SDK1: variants seen among roughly 807,000 people sequenced by gnomAD.
SDK1 encodes protein sidekick-1.
Under a neutral mutation model 245.5 loss-of-function variants are expected in SDK1, and 157 were observed. The ratio of observed to expected loss-of-function variants is 0.64; its 90% confidence interval spans 0.56 to 0.73. The LOEUF is 0.73. SDK1 is among the 30% of genes least tolerant of loss of function. The pLI, the probability that SDK1 is intolerant of heterozygous loss-of-function variation, is 0.00. For synonymous variants in SDK1, 1,647 were observed against 1,278.5 expected (o/e 1.29, Z -6.15); for missense variants, 3,583 against 3,002.3 (o/e 1.19, Z -4.52).
chr7:3,841,469 C>T (rs1376458880), intron 5 of SDK1, among the ~76,000 whole-genome samples: 14 of 152,234 alleles, frequency 9.2e-5, no homozygotes, highest in South Asian at 4.1e-4. Flanking sequence ...TAACATCTTG[C>T]GCTAATGAGT....
intron 1 of SDK1, among the ~76,000 whole-genome samples, chr7:3,452,916 C>T (rs1331108051): frequency 2.0e-5 from 3 of 152,156 alleles, no homozygotes; most frequent in Non-Finnish European, 4.4e-5. Context: ...GAACATACTT[C>T]ATTATGCTGC....
intron 13 of SDK1, among the ~76,000 whole-genome samples, chr7:3,981,857 G>T (rs531069292): frequency 4.1e-4 from 63 of 152,250 alleles, no homozygotes; most frequent in Non-Finnish European, 7.6e-4. Context: ...AGATAAAGCA[G>T]CAGGTGCTGA....
chr7:3,582,830 C>A (rs1216852457), intron 1 of SDK1, among the ~76,000 whole-genome samples: 1 of 152,098 alleles, frequency 6.6e-6, no homozygotes, highest in Non-Finnish European at 1.5e-5. Flanking sequence ...TCTTCCCCAG[C>A]AACCCCTACC....
At chr7:3,711,849 C>T (rs1428818799) in intron 4 of SDK1, among the ~76,000 whole-genome samples, 2 of 152,118 alleles carry the variant, frequency 1.3e-5, no homozygotes, top group Non-Finnish European at 2.9e-5. Context: ...GATTTGACTC[C>T]TGGGAGACCA....
At chr7:3,687,243 C>T (rs909070195) in intron 4 of SDK1, among the ~76,000 whole-genome samples, 1 of 151,338 alleles carries the variant, frequency 6.6e-6, no homozygotes, top group East Asian at 1.9e-4. Flanking sequence ...GCGATCTCAG[C>T]TCAGCCTCCC....
intron 1 of SDK1, among the ~76,000 whole-genome samples, chr7:3,449,688 A>T (rs892396988): frequency 2.6e-5 from 4 of 152,226 alleles, no homozygotes; most frequent in African/African-American, 9.6e-5. Flanking sequence ...TGAATATTTA[A>T]TAGTAGCATT....
At chr7:3,774,271 G>T (rs116353087) in intron 4 of SDK1, among the ~76,000 whole-genome samples, 69 of 151,754 alleles carry the variant, frequency 4.5e-4, no homozygotes, top group Middle Eastern at 3.5e-3. Flanking sequence ...AGTCACTTTA[G>T]GTGGTTGGTA....
At chr7:3,435,123 TTAGTTA>T (rs1477529962) in intron 1 of SDK1, among the ~76,000 whole-genome samples, 3 of 152,116 alleles carry the variant, frequency 2.0e-5, no homozygotes, top group Non-Finnish European at 2.9e-5. Flanking sequence ...TAAAGATTTC[TTAGTTA>T]TTGTGATTCT....
chr7:3,690,526 T>G (rs888431333), intron 4 of SDK1, among the ~76,000 whole-genome samples: 3 of 152,006 alleles, frequency 2.0e-5, no homozygotes, highest in Non-Finnish European at 2.9e-5. Flanking sequence ...TACCTTTTGC[T>G]GGCATTTAGG....
At chr7:3,797,920 C>G (rs1294286663) in intron 4 of SDK1, among the ~76,000 whole-genome samples, 1 of 152,136 alleles carries the variant, frequency 6.6e-6, no homozygotes, top group Non-Finnish European at 1.5e-5. Context: ...ATTCAAATCA[C>G]TTTTTTATGT....
chr7:4,079,531 C>T lies in SDK1; in HGVS notation c.3271C>T (p.Arg1091Trp), dbSNP rs145224517. ...ISPRSATLQFRPGYDGKTSIS... is the reference protein window; with the variant it reads ...ISPRSATLQFWPGYDGKTSIS... ...CCCTCGCTCCGCCACCCTTCAGTTC[C>T]GGCCAGGCTATGACGGGAAAACGTC... Residue 1091 changes from arginine (R) to tryptophan (W), a missense_variant, in exon 22 of 45, where the codon CGG becomes TGG. Arg to Trp is a moderately radical substitution (Grantham distance 101). Coordinates refer to ENST00000404826, the MANE Select transcript of SDK1 (RefSeq NM_152744.4). 2.8e-4 allele frequency: 457 copies of T among 1,614,100 alleles called. No individual in the cohort carries two copies. Among genetic ancestry groups the T allele is most frequent in the Non-Finnish European group, 3.2e-4 (383 of 1,180,042 alleles).
At chr7:3,668,754 G>A (rs1466700735) in intron 4 of SDK1, among the ~76,000 whole-genome samples, 2 of 152,234 alleles carry the variant, frequency 1.3e-5, no homozygotes, top group Non-Finnish European at 2.9e-5. Flanking sequence ...TGGCGCCATT[G>A]CACTCCAGCC....
chr7:3,755,764 G>T lies in SDK1; in HGVS notation c.714-65686G>T, dbSNP rs78096067. ...AATATCACATAAATGGCTACATGCA[G>T]TATGGAGCTTTTTGAACCTGAGTCC... On this transcript the variant is annotated intron_variant, in intron 4 of 44. Transcript: ENST00000404826. Among the ~76,000 whole-genome samples the T allele has an allele frequency of 4.8e-3, 728 of 152,244 alleles. 5 individuals carry two copies. Among genetic ancestry groups the T allele is most frequent in the African/African-American group, 0.017 (689 of 41,536 alleles).
chr7:3,795,201 G>A (rs1778932601), intron 4 of SDK1, among the ~76,000 whole-genome samples: 1 of 152,140 alleles, frequency 6.6e-6, no homozygotes. Flanking sequence ...AATGTGTTAG[G>A]ACTCAGACAT....
intron 13 of SDK1, among the ~76,000 whole-genome samples, chr7:3,975,572 G>C (rs1233845040): frequency 3.9e-5 from 6 of 152,234 alleles, no homozygotes; most frequent in East Asian, 1.9e-4. Context: ...TGAAAAGAAT[G>C]CTTGCTAAGT....
At chr7:3,358,209 G>T (rs1780858357) in intron 1 of SDK1, among the ~76,000 whole-genome samples, 1 of 151,820 alleles carries the variant, frequency 6.6e-6, no homozygotes, top group African/African-American at 2.4e-5. Flanking sequence ...TTTAGTAGAG[G>T]CAGGGTTTCA....
chr7:4,088,321 T>C (rs1562791526), intron 22 of SDK1, among the ~76,000 whole-genome samples: 1 of 152,244 alleles, frequency 6.6e-6, no homozygotes, highest in Non-Finnish European at 1.5e-5. Context: ...CTCTTTTTTG[T>C]TTCTTCTTCT....
intron 1 of SDK1, among the ~76,000 whole-genome samples, chr7:3,340,777 A>G (rs1366972381): frequency 6.6e-6 from 1 of 151,800 alleles, no homozygotes; most frequent in Non-Finnish European, 1.5e-5. Context: ...AAAAAAAAAA[A>G]AAAAATCATC....
intron 1 of SDK1, among the ~76,000 whole-genome samples, chr7:3,344,008 CACAT>C (rs1376788068): frequency 1.6e-5 from 2 of 123,952 alleles, no homozygotes; most frequent in Non-Finnish European, 3.3e-5. Flanking sequence ...AGTTGCTAAA[CACAT>C]ACAACCAAAA....
Sources: allele counts gnomAD v4.1 joint callset (sites outside exome capture counted in the v4.1 genomes callset), GRCh38; gene constraint gnomAD v4.1.1; transcripts MANE v1.5; gene names NCBI Gene and HGNC (gene_info 2026-07-23, HGNC 2026-07-21).